Variants in CBLIF observed in about 807,000 individuals in gnomAD.
CBLIF encodes cobalamin binding intrinsic factor.
Under a neutral mutation model 44.9 loss-of-function variants are expected in CBLIF, and 24 were observed. That is an observed-to-expected ratio of 0.53 (90% CI 0.39 to 0.75). The LOEUF is 0.75. CBLIF is among the 30% of genes least tolerant of loss of function. The pLI, the probability that CBLIF is intolerant of heterozygous loss-of-function variation, is 0.00. For missense variants in CBLIF, 481 were observed against 513.0 expected (o/e 0.94, Z 0.60); for synonymous variants, 183 against 190.9 (o/e 0.96, Z 0.34).
rs745492416 is a variant in CBLIF at position 59,841,097 on chromosome 11, G to A, written c.693+46C>T. The A allele has an allele frequency of 8.6e-6, 12 of 1,400,698 alleles. No homozygotes were observed. The East Asian group carries it at 2.7e-4, about 32-fold the overall frequency. 86.8% of individuals were successfully genotyped at this position (1,400,698 alleles called of 1,614,324 possible). ...CCTGGCCTCTTGATTCTGCAATCCA[G>A]GCTTATTGGCAGGAACCCAACCAAG... On this transcript the variant is annotated intron_variant, in intron 5 of 8. Coordinates refer to ENST00000257248, the MANE Select transcript of CBLIF (RefSeq NM_005142.3).
intron 6 of CBLIF, among the ~76,000 whole-genome samples, chr11:59,836,813 AGATAT>A (rs1866461165): frequency 6.6e-6 from 1 of 152,260 alleles, no homozygotes; most frequent in African/African-American, 2.4e-5. Flanking sequence ...TGTGAAAGGC[AGATAT>A]GATAAGATAT....
chr11:59,841,376 G>C (rs1388477594), intron 4 of CBLIF, 52 bp from the exon 5 acceptor site: 3 of 1,215,154 alleles, frequency 2.5e-6, no homozygotes, highest in South Asian at 2.4e-5. Flanking sequence ...ACAGCAATAT[G>C]AACAGCTAAC....
At chr11:59,838,725 A>G (rs1430126162) in intron 5 of CBLIF, among the ~76,000 whole-genome samples, 43 of 152,198 alleles carry the variant, frequency 2.8e-4, no homozygotes. Flanking sequence ...AGCAAGGTAT[A>G]TTCATTGGGA....
chr11:59,844,806 A>G (rs1866585211), intron 1 of CBLIF, among the ~76,000 whole-genome samples: 1 of 152,102 alleles, frequency 6.6e-6, no homozygotes, highest in African/African-American at 2.4e-5. Context: ...TCTTTGTACC[A>G]TCAACCATTA....
In CBLIF at chr11:59,843,538, G is replaced by A. The variant is rs11820910; in HGVS notation, c.256+341C>T. On this transcript the variant is annotated intron_variant, in intron 2 of 8. Transcript: ENST00000257248. ...ATTATTATCATTGCTATTAGTAGTA[G>A]TAGGGTTATTGTTACTACAATCATC... Among the ~76,000 whole-genome samples, 1,067 of 152,296 alleles carry A rather than the reference G, an allele frequency of 7.0e-3. 11 individuals are homozygous for A. Among genetic ancestry groups the A allele is most frequent in the African/African-American group, 0.024 (1,018 of 41,566 alleles).
Position 59,843,946 on chromosome 11 carries a change from C to G in CBLIF, c.189G>C (p.Leu63=), listed in dbSNP as rs1479240546. ...PNPSILIAMN[L]AGAYNLKAQK... is the part of the protein sequence containing the mutation. Reference sequence around the variant, plus strand: ...GGGCCTTCAAGTTGTAGGCTCCGGCCAGATTCATGGCAATCAGGATGCTGG... The same window carrying G: ...GGGCCTTCAAGTTGTAGGCTCCGGCGAGATTCATGGCAATCAGGATGCTGG... The change falls in exon 2 of 9, where the codon CTG becomes CTC. Residue 63 remains leucine, a synonymous_variant. Coordinates refer to ENST00000257248, the MANE Select transcript of CBLIF (RefSeq NM_005142.3). 3 of 1,613,658 alleles carry G rather than the reference C, an allele frequency of 1.9e-6. No homozygotes were observed. The South Asian group carries it at 3.3e-5, about 18-fold the overall frequency.
At chr11:59,840,229 T>A (rs1866506425) in intron 5 of CBLIF, among the ~76,000 whole-genome samples, 1 of 152,194 alleles carries the variant, frequency 6.6e-6, no homozygotes, top group African/African-American at 2.4e-5. Context: ...AGGAGACAAT[T>A]TCTTTCTAAT....
chr11:59,839,638 G>A (rs1430657467), intron 5 of CBLIF, among the ~76,000 whole-genome samples: 2 of 152,098 alleles, frequency 1.3e-5, no homozygotes, highest in African/African-American at 4.8e-5. Context: ...GCCTAAATAA[G>A]TTCCAGATAG....
chr11:59,841,088 T>C (rs1169530266), intron 5 of CBLIF, 55 bp downstream of exon 5: 23 of 1,277,776 alleles, frequency 1.8e-5, no homozygotes, highest in Middle Eastern at 3.7e-4. Context: ...CTCTTGATTC[T>C]GCAATCCAGG....
Position 59,831,715 on chromosome 11 carries a change from G to A in CBLIF, c.1155C>T (p.Tyr385=). The A allele has an allele frequency of 1.3e-6, 2 of 1,593,114 alleles. No individual in the cohort carries two copies. Among genetic ancestry groups the A allele is most frequent in the Non-Finnish European group, 1.7e-6 (2 of 1,160,916 alleles). The change falls in exon 8 of 9, where the codon TAC becomes TAT. Residue 385 remains tyrosine (Y), a synonymous_variant. Transcript: ENST00000257248. ...GTGTTACACCACTAAGAAACTGCCA[G>A]TATGTCTTGTGATTAACATTTTCCG... The part of the protein sequence containing the change: ...NIAENVNHKT[Y]WQFLSGVTPL...
chr11:59,845,438 G>A lies in CBLIF; in HGVS notation c.16C>T (p.Leu6Phe), dbSNP rs1175726040. The change falls in exon 1 of 9, where the codon CTC becomes TTC. Residue 6 changes from leucine (L) to phenylalanine (F), a missense_variant. Leu to Phe is a conservative substitution (Grantham distance 22). Transcript: ENST00000257248. MAWFA[L>F]YLLSLLWATA... ...GCCCAGAGAAGGCTCAGGAGGTAGA[G>A]GGCAAACCAGGCCATCTCACTCTCT... The A allele has an allele frequency of 1.2e-6, 2 of 1,608,848 alleles. No homozygotes were observed. Among genetic ancestry groups the A allele is most frequent in the East Asian group, 2.2e-5 (1 of 44,852 alleles).
In CBLIF at chr11:59,831,600, T is replaced by G. The variant is rs925900260; in HGVS notation, c.1192+78A>C. Reference sequence around the variant, plus strand: ...ATTATTAATTAAGTGAATGAATGAATAAATTAAATGAAAAAATAATTAAAG... The same window carrying G: ...ATTATTAATTAAGTGAATGAATGAAGAAATTAAATGAAAAAATAATTAAAG... On this transcript the variant is annotated intron_variant, in intron 8 of 8. Transcript: ENST00000257248. 4.0e-6 allele frequency: 3 copies of G among 755,912 alleles called. No homozygotes were observed. In the African/African-American group the frequency reaches 5.3e-5, roughly 13 times the overall value. 46.8% of individuals were successfully genotyped at this position (755,912 alleles called of 1,614,324 possible). A position where few individuals can be genotyped will look rare whatever the true frequency, so the allele number is the denominator to read the frequency against.
At chr11:59,842,994 C>T (rs763847039) in intron 3 of CBLIF, 34 bp downstream of exon 3, 2 of 1,299,112 alleles carry the variant, frequency 1.5e-6, no homozygotes, top group Middle Eastern at 3.7e-4. Context: ...AAACCATATG[C>T]CTGACTCTTT....
At chr11:59,840,198 C>T (rs968189069) in intron 5 of CBLIF, among the ~76,000 whole-genome samples, 1 of 151,902 alleles carries the variant, frequency 6.6e-6, no homozygotes, top group Non-Finnish European at 1.5e-5. Flanking sequence ...AATCTCAATA[C>T]TAGTCTCCAT....
At chr11:59,834,248 CTTTCTTTCTTTCT>C (rs1866414117) in intron 7 of CBLIF, among the ~76,000 whole-genome samples, 1 of 80,604 alleles carries the variant, frequency 1.2e-5, no homozygotes, top group African/African-American at 4.9e-5. Flanking sequence ...CTTTTTCTTT[CTTTCTTTCTTTCT>C]TTCTTTCTTT....
chr11:59,835,117 G>A (rs1019836897), intron 7 of CBLIF, among the ~76,000 whole-genome samples: 9 of 151,210 alleles, frequency 6.0e-5, no homozygotes, highest in South Asian at 2.1e-4. Flanking sequence ...CAGTCTTATC[G>A]CAAATGCTTT....
chr11:59,842,732 T>C, intron 3 of CBLIF, 149 bp from the exon 4 acceptor site: 1 of 747,388 alleles, frequency 1.3e-6, no homozygotes, highest in Non-Finnish European at 2.3e-6. Flanking sequence ...GCAACTTCAG[T>C]GTTTTTCAAA....
intron 2 of CBLIF, 68 bp from the exon 3 acceptor site, chr11:59,843,209 A>T (rs754225022): frequency 2.5e-4 from 222 of 901,816 alleles, no homozygotes; most frequent in Non-Finnish European, 3.9e-4. Flanking sequence ...GGAGCCAGTG[A>T]TGAGTTCTCT....
At chr11:59,830,473 C>A (rs1040439411) in intron 8 of CBLIF, among the ~76,000 whole-genome samples, 3 of 151,826 alleles carry the variant, frequency 2.0e-5, no homozygotes, top group Non-Finnish European at 2.9e-5. Flanking sequence ...TCCTGACCTC[C>A]TGATCCGTCC....
Sources: gnomAD v4.1 joint callset for allele counts (sites outside exome capture counted in the v4.1 genomes callset) on GRCh38, gnomAD v4.1.1 for gene constraint, MANE v1.5 for transcripts, NCBI Gene and HGNC (gene_info 2026-07-23, HGNC 2026-07-21) for gene names.